PNPLA1: variants seen among roughly 807,000 people sequenced by gnomAD.
PNPLA1 encodes the protein patatin like domain 1, omega-hydroxyceramide transacylase.
In PNPLA1, 36 loss-of-function variants were observed where a neutral mutation model predicts 51.7. The observed-to-expected ratio is 0.70, with a 90% confidence interval of 0.53 to 0.92. The LOEUF (loss-of-function observed/expected upper bound fraction) is 0.92, where lower values mean the gene tolerates loss of function less well. Among genes scored for constraint, PNPLA1 ranks in the 40% least tolerant of loss-of-function variants. PNPLA1 has a pLI of 0.00. For synonymous variants in PNPLA1, 293 were observed against 280.1 expected (o/e 1.05, Z -0.46); for missense variants, 658 against 682.5 (o/e 0.96, Z 0.40).
rs148513395 is a variant in PNPLA1 at position 36,310,265 on chromosome 6, T to C, written c.1596-1498T>C. On this transcript the variant is annotated intron_variant, in intron 8 of 8. Transcript: ENST00000636260. ...CTAGGAACGGCAGTGATGCCAGACT[T>C]GCTCTTCTCCTGGAGCTTGGGTGGG... Among the ~76,000 whole-genome samples, 1,280 of 152,332 alleles carry C rather than the reference T, an allele frequency of 8.4e-3. 3 individuals are homozygous for C. The highest frequency in any genetic ancestry group is 0.021 in the South Asian group (101 of 4,824).
upstream of PNPLA1, among the ~76,000 whole-genome samples, chr6:36,269,852 A>C (rs1457928298): frequency 1.3e-5 from 2 of 152,368 alleles, no homozygotes; most frequent in East Asian, 3.9e-4. Flanking sequence ...CACATACCAC[A>C]TAGCCTGAAG....
At chr6:36,293,149 G>T in intron 3 of PNPLA1, 23 bp downstream of exon 3, 3 of 1,610,022 alleles carry the variant, frequency 1.9e-6, no homozygotes, top group Non-Finnish European at 2.6e-6. Context: ...GCATGGTGAG[G>T]GGTGAGATGG....
At chr6:36,280,786 G>A (rs933221435) in intron 1 of PNPLA1, among the ~76,000 whole-genome samples, 8 of 151,954 alleles carry the variant, frequency 5.3e-5, no homozygotes, top group Non-Finnish European at 2.9e-5. Context: ...TGGGCTTTTC[G>A]TTGTTATTGT....
chr6:36,285,227 G>A (rs1051920554), intron 1 of PNPLA1, among the ~76,000 whole-genome samples: 1 of 152,176 alleles, frequency 6.6e-6, no homozygotes, highest in African/African-American at 2.4e-5. Context: ...AGCATTCGTC[G>A]GCGCCTCCCC....
chr6:36,257,807 T>C (rs190907580), intron 1 of PNPLA1, among the ~76,000 whole-genome samples: 7 of 152,358 alleles, frequency 4.6e-5, no homozygotes, highest in South Asian at 4.1e-4. Flanking sequence ...CTGCTTCTAA[T>C]GTCAAGCATC....
intron 5 of PNPLA1, among the ~76,000 whole-genome samples, chr6:36,299,860 G>C (rs1365985549): frequency 6.6e-6 from 1 of 151,968 alleles, no homozygotes; most frequent in African/African-American, 2.4e-5. Context: ...TGTTTTTTTA[G>C]GGTAGTTTTA....
At chr6:36,300,184 A>T (rs35185551) in intron 5 of PNPLA1, among the ~76,000 whole-genome samples, 11,156 of 65,466 alleles carry the variant, frequency 0.17, 583 homozygotes, top group Middle Eastern at 0.27. Flanking sequence ...TGTGTGAGAG[A>T]GAGAGAGAGA....
intron 6 of PNPLA1, among the ~76,000 whole-genome samples, 168 bp downstream of exon 6, chr6:36,302,637 T>C (rs1053876727): frequency 2.0e-5 from 3 of 152,218 alleles, no homozygotes; most frequent in Non-Finnish European, 2.9e-5. Flanking sequence ...AAGGGGGCAG[T>C]GTAATAGACA....
intron 8 of PNPLA1, 54 bp downstream of exon 8, chr6:36,307,766 T>C (rs990526122): frequency 6.2e-7 from 1 of 1,603,874 alleles, no homozygotes; most frequent in Admixed American, 1.7e-5. Context: ...CTTTGGGAAC[T>C]GTGTTCAGAG....
chr6:36,268,573 G>A (rs938327632), upstream of PNPLA1, among the ~76,000 whole-genome samples: 7 of 152,104 alleles, frequency 4.6e-5, no homozygotes, highest in African/African-American at 1.4e-4. Context: ...CTCCAGTCCC[G>A]CAGCCCACAC....
chr6:36,253,166 C>T (rs1025591703), intron 1 of PNPLA1, among the ~76,000 whole-genome samples: 3 of 152,078 alleles, frequency 2.0e-5, no homozygotes, highest in Non-Finnish European at 4.4e-5. Flanking sequence ...GAAGACAGAG[C>T]GAGACGCTGT....
intron 1 of PNPLA1, among the ~76,000 whole-genome samples, chr6:36,280,733 A>G (rs1582061187): frequency 6.6e-6 from 1 of 152,036 alleles, no homozygotes; most frequent in East Asian, 1.9e-4. Flanking sequence ...CTTTCTTGTG[A>G]GTTCAACCAT....
chr6:36,264,450 T>A (rs975420066), intron 1 of PNPLA1, among the ~76,000 whole-genome samples: 4 of 152,194 alleles, frequency 2.6e-5, no homozygotes, highest in African/African-American at 9.6e-5. Flanking sequence ...GTGAAATTTT[T>A]AAAAAGATTT....
At position 36,287,755 on chromosome 6, in the gene PNPLA1, A is replaced by AACAC. The variant is rs57750301; in HGVS notation, c.206-3528_206-3525dup. On this transcript the variant is annotated intron_variant, in intron 1 of 8. Coordinates refer to ENST00000636260, the MANE Select transcript of PNPLA1 (RefSeq NM_001374623.1). The stretch of plus-strand genomic sequence containing the variant: ...GTCAGAGACTTTGAAGACAGACAGA[A>AACAC]ACACACACACACACACACACACACA... Among the ~76,000 whole-genome samples the AACAC allele has an allele frequency of 8.8e-3, 1,305 of 148,414 alleles. 8 individuals carry two copies. The highest frequency in any genetic ancestry group is 0.017 in the Middle Eastern group (5 of 292).
intron 1 of PNPLA1, among the ~76,000 whole-genome samples, chr6:36,259,813 T>C (rs1214976205): frequency 6.6e-6 from 1 of 151,980 alleles, no homozygotes; most frequent in Non-Finnish European, 1.5e-5. Context: ...GATGCAACAG[T>C]AGACACTGGG....
intron 7 of PNPLA1, 75 bp from the exon 8 acceptor site, chr6:36,307,512 G>T (rs999436025): frequency 1.3e-6 from 2 of 1,557,036 alleles, no homozygotes; most frequent in Non-Finnish European, 1.7e-6. Flanking sequence ...TCCACCTGCG[G>T]AGCTGAGCAG....
chr6:36,303,199 ATTC>A (rs1771125288), intron 6 of PNPLA1, among the ~76,000 whole-genome samples: 1 of 151,986 alleles, frequency 6.6e-6, no homozygotes, highest in Non-Finnish European at 1.5e-5. Flanking sequence ...GGTTCACGCC[ATTC>A]TTCTGCCTCA....
chr6:36,271,851 G>T (rs932855930), intron 1 of PNPLA1, among the ~76,000 whole-genome samples: 4 of 152,304 alleles, frequency 2.6e-5, no homozygotes, highest in African/African-American at 7.2e-5. Context: ...GGGGGCAGAG[G>T]GCGTGAGCTC....
At chr6:36,286,763 C>T (rs554225454) in intron 1 of PNPLA1, among the ~76,000 whole-genome samples, 11 of 152,062 alleles carry the variant, frequency 7.2e-5, no homozygotes, top group East Asian at 3.9e-4. Context: ...ACTGTGGCCT[C>T]GTCCTTCCGG....
Sources: allele counts gnomAD v4.1 joint callset (sites outside exome capture counted in the v4.1 genomes callset), GRCh38; gene constraint gnomAD v4.1.1; transcripts MANE v1.5; gene names NCBI Gene and HGNC (gene_info 2026-07-23, HGNC 2026-07-21).